RBL1: variants seen among roughly 807,000 people sequenced by gnomAD.
RBL1 encodes the protein retinoblastoma-like protein 1.
In RBL1, 82 loss-of-function variants were observed where a neutral mutation model predicts 123.0. The ratio of observed to expected loss-of-function variants is 0.67; its 90% CI spans 0.56 to 0.80. The LOEUF (loss-of-function observed/expected upper bound fraction) is 0.80, where lower values mean the gene tolerates loss of function less well. Among genes scored for constraint, RBL1 ranks in the 30% least tolerant of loss-of-function variants. The probability of loss-of-function intolerance (pLI) is 0.00; values close to 1 mark genes in which losing one functional copy is unlikely to be tolerated. For synonymous variants in RBL1, 405 were observed against 441.3 expected (o/e 0.92, Z 1.03); for missense variants, 1,171 against 1,299.6 (o/e 0.90, Z 1.52).
Position 37,032,290 on chromosome 20 carries a change from A to G in RBL1, c.2382+375T>C, listed in dbSNP as rs2064525604. ...CACAAGCTATAATATGAATGAACCT[A>G]GAAGACATTACGCTAAGCCAGTCAC... On this transcript the variant is annotated intron_variant, in intron 16 of 21. Coordinates refer to ENST00000373664, the MANE Select transcript of RBL1 (RefSeq NM_002895.5). 3.3e-5 allele frequency among the ~76,000 whole-genome samples: 5 copies of G among 152,236 alleles called. No homozygotes were observed. In the South Asian group the frequency reaches 1.0e-3, roughly 31 times the overall value.
chr20:37,009,996 G>C (rs1215093420), intron 19 of RBL1, among the ~76,000 whole-genome samples: 1 of 151,674 alleles, frequency 6.6e-6, no homozygotes, highest in Non-Finnish European at 1.5e-5. Flanking sequence ...TTACATTCCA[G>C]CCTGGGCAAC....
At chr20:37,015,063 C>CAAAAAAAAAAAAAAAAAAAAAAAAAAAA (rs1185151735) in intron 19 of RBL1, among the ~76,000 whole-genome samples, 1 of 70,328 alleles carries the variant, frequency 1.4e-5, no homozygotes, top group Non-Finnish European at 3.0e-5. Context: ...GACTGTATCT[C>CAAAAAAAAAAAAAAAAAAAAAAAAAAAA]AAAAAAAAAA....
chr20:37,061,779 C>T (rs1443629278), intron 8 of RBL1, among the ~76,000 whole-genome samples: 3 of 152,082 alleles, frequency 2.0e-5, no homozygotes, highest in Non-Finnish European at 2.9e-5. Flanking sequence ...AGCAACGTAA[C>T]GGAGCCTAAG....
intron 11 of RBL1, among the ~76,000 whole-genome samples, chr20:37,055,277 G>A (rs570168309): frequency 7.4e-6 from 1 of 134,650 alleles, no homozygotes; most frequent in African/African-American, 2.7e-5. Context: ...GCTTTAACAG[G>A]TGGAGGGATC....
chr20:37,069,712 C>T (rs2065250879), intron 2 of RBL1, among the ~76,000 whole-genome samples: 1 of 151,940 alleles, frequency 6.6e-6, no homozygotes, highest in South Asian at 2.1e-4. Flanking sequence ...TGAGGAGCGT[C>T]TCCGCCTGGC....
rs1568804504 is a variant in RBL1 at position 36,998,640 on chromosome 20, A to AT, written c.*118dup. Reference sequence around the variant, plus strand: ...TTAAAAAGCACATAATTTTTGTGCAATTTTTTCTTATAACCCAGTGATATT... The same window carrying AT: ...TTAAAAAGCACATAATTTTTGTGCAATTTTTTTCTTATAACCCAGTGATATT... On this transcript the variant is annotated 3_prime_UTR_variant, in exon 22 of 22. Transcript: ENST00000373664. The AT allele has an allele frequency of 3.3e-6, 3 of 902,464 alleles. No individual in the cohort carries two copies. The highest frequency in any genetic ancestry group is 5.8e-5 in the East Asian group (2 of 34,734). The allele number at this position is 902,464 out of a possible 1,614,324, so 55.9% of individuals were successfully genotyped here.
intron 13 of RBL1, among the ~76,000 whole-genome samples, chr20:37,041,429 C>T (rs2064724715): frequency 6.6e-6 from 1 of 152,144 alleles, no homozygotes; most frequent in South Asian, 2.1e-4. Context: ...TCAAGCAATT[C>T]TCCTGCCTCA....
chr20:37,063,763 C>T (rs1370894479), intron 7 of RBL1, among the ~76,000 whole-genome samples: 4 of 151,196 alleles, frequency 2.6e-5, no homozygotes, highest in South Asian at 2.1e-4. Flanking sequence ...CAGCCCACCT[C>T]GGCCCCCCAA....
intron 9 of RBL1, among the ~76,000 whole-genome samples, chr20:37,057,344 C>T (rs1411197611): frequency 6.6e-6 from 1 of 152,194 alleles, no homozygotes; most frequent in Non-Finnish European, 1.5e-5. Context: ...CCAATTTTTA[C>T]ACATTCTTAC....
At chr20:37,041,003 A>C (rs2064713636) in intron 13 of RBL1, among the ~76,000 whole-genome samples, 2 of 152,172 alleles carry the variant, frequency 1.3e-5, no homozygotes, top group South Asian at 4.1e-4. Context: ...AATGGAAATA[A>C]ACTGATGAAT....
chr20:37,086,668 C>T (rs1226188727), intron 2 of RBL1, among the ~76,000 whole-genome samples: 1 of 152,174 alleles, frequency 6.6e-6, no homozygotes, highest in African/African-American at 2.4e-5. Flanking sequence ...AGACAATGAC[C>T]ACAAATAGTT....
intron 6 of RBL1, among the ~76,000 whole-genome samples, 165 bp from the exon 7 acceptor site, chr20:37,065,638 T>G (rs1320877690): frequency 1.3e-5 from 2 of 149,994 alleles, no homozygotes; most frequent in African/African-American, 4.9e-5. Context: ...GCAAATAACT[T>G]TTTTTTTTAA....
intron 15 of RBL1, 109 bp from the exon 16 acceptor site, chr20:37,032,985 T>A: frequency 1.5e-6 from 2 of 1,360,056 alleles, no homozygotes; most frequent in Non-Finnish European, 2.0e-6. Flanking sequence ...ATAAGAAGGC[T>A]ACAAAATAGT....
chr20:37,052,310 C>A (rs1296291859), intron 11 of RBL1, among the ~76,000 whole-genome samples: 1 of 151,894 alleles, frequency 6.6e-6, no homozygotes, highest in African/African-American at 2.4e-5. Context: ...GGATTACAGG[C>A]GTGAGCCGCC....
chr20:37,044,262 A>G lies in RBL1; in HGVS notation c.1606-12T>C. ...ACCACCTCAATAACCTGCAGAGGAG[A>G]AAGTGAGAAGGCAATGTGGTTTCAA... On this transcript the variant is annotated splice_polypyrimidine_tract_variant and intron_variant, in intron 12 of 21. Coordinates refer to ENST00000373664, the MANE Select transcript of RBL1 (RefSeq NM_002895.5). 9 of 1,613,198 alleles carry G rather than the reference A, an allele frequency of 5.6e-6. No homozygotes were observed. Among genetic ancestry groups the G allele is most frequent in the Non-Finnish European group, 6.8e-6 (8 of 1,179,644 alleles).
chr20:37,015,063 C>CAAAAAAAA lies in RBL1; in HGVS notation c.2722+3208_2722+3215dup, dbSNP rs1185151735. On this transcript the variant is annotated intron_variant, in intron 19 of 21. Transcript: ENST00000373664. ...GGGCAACAAGAGTGAGACTGTATCT[C>CAAAAAAAA]AAAAAAAAAAAAAAAAAAAAGAAAG... Among the ~76,000 whole-genome samples the CAAAAAAAA allele has an allele frequency of 9.2e-4, 64 of 69,746 alleles. 1 individual carries two copies. Among genetic ancestry groups the CAAAAAAAA allele is most frequent in the Non-Finnish European group, 1.4e-3 (45 of 33,156 alleles). The allele number at this position is 69,746 out of a possible 152,430, so 45.8% of individuals were successfully genotyped here.
chr20:37,086,082 TTGTTA>T (rs1189962789), intron 2 of RBL1, among the ~76,000 whole-genome samples: 4 of 152,266 alleles, frequency 2.6e-5, no homozygotes, highest in Admixed American at 6.5e-5. Flanking sequence ...TACATTTGTT[TTGTTA>T]TAATTCTTTT....
At chr20:37,006,145 C>T (rs937949762) in intron 20 of RBL1, among the ~76,000 whole-genome samples, 2 of 151,662 alleles carry the variant, frequency 1.3e-5, no homozygotes, top group Admixed American at 6.6e-5. Context: ...AGCAATCCTC[C>T]AGGCTTAGCT....
At position 37,044,703 on chromosome 20, in the gene RBL1, A is replaced by G. The variant is rs1050132374; in HGVS notation, c.1606-453T>C. Among the ~76,000 whole-genome samples, 3 of 152,334 alleles carry G rather than the reference A, an allele frequency of 2.0e-5. No individual in the cohort carries two copies. In the East Asian group the frequency reaches 5.8e-4, roughly 29 times the overall value. On this transcript the variant is annotated intron_variant, in intron 12 of 21. Transcript: ENST00000373664. ...TTGAACCATAATTCTGTGGCTTACT[A>G]ACATCTTCTAATTTATAAAGGAGTT...
Sources: allele counts gnomAD v4.1 joint callset (sites outside exome capture counted in the v4.1 genomes callset), GRCh38; gene constraint gnomAD v4.1.1; transcripts MANE v1.5; gene names NCBI Gene and HGNC (gene_info 2026-07-23, HGNC 2026-07-21).